Variants in UBE3C observed in about 807,000 individuals in gnomAD.
UBE3C encodes the protein ubiquitin protein ligase E3C.
UBE3C carries 42 observed loss-of-function variants against 129.4 expected under a neutral mutation model. The observed-to-expected ratio is 0.32, with a 90% CI of 0.25 to 0.42. The LOEUF is 0.42. UBE3C is among the 10% of genes least tolerant of loss of function. UBE3C has a pLI of 1.00. For synonymous variants in UBE3C, 510 were observed against 492.4 expected (o/e 1.04, Z -0.47); for missense variants, 1,049 against 1,319.1 (o/e 0.80, Z 3.17).
intron 18 of UBE3C, among the ~76,000 whole-genome samples, chr7:157,244,493 T>C (rs1796425968): frequency 1.3e-5 from 2 of 152,218 alleles, no homozygotes; most frequent in Non-Finnish European, 2.9e-5. Flanking sequence ...AGGATGGCTT[T>C]AAAGCAAGAC....
chr7:157,203,822 A>G (rs1809355968), intron 11 of UBE3C, among the ~76,000 whole-genome samples: 1 of 152,196 alleles, frequency 6.6e-6, no homozygotes, highest in Non-Finnish European at 1.5e-5. Flanking sequence ...TTGAGGTACA[A>G]TGGGGCTTTG....
chr7:157,251,420 A>G (rs1264549752), intron 19 of UBE3C, among the ~76,000 whole-genome samples: 2 of 152,222 alleles, frequency 1.3e-5, no homozygotes, highest in Non-Finnish European at 2.9e-5. Flanking sequence ...GGACCCACAA[A>G]TAATCATCTG....
chr7:157,218,671 C>T (rs150285052), intron 14 of UBE3C, among the ~76,000 whole-genome samples: 1 of 152,272 alleles, frequency 6.6e-6, no homozygotes, highest in East Asian at 1.9e-4. Flanking sequence ...GCAAAAGAAG[C>T]AGTCCTGGCA....
intron 2 of UBE3C, among the ~76,000 whole-genome samples, chr7:157,165,348 T>G (rs1455856126): frequency 6.6e-6 from 1 of 152,060 alleles, no homozygotes; most frequent in Non-Finnish European, 1.5e-5. Flanking sequence ...AGTTTGGATA[T>G]TTTCACCTGA....
chr7:157,238,764 A>G (rs777823319), intron 18 of UBE3C, among the ~76,000 whole-genome samples: 1 of 152,108 alleles, frequency 6.6e-6, no homozygotes, highest in South Asian at 2.1e-4. Context: ...AAGAGAAGAG[A>G]TGAAGAACTG....
intron 4 of UBE3C, among the ~76,000 whole-genome samples, chr7:157,172,399 G>A (rs1342955695): frequency 2.0e-5 from 3 of 152,130 alleles, no homozygotes; most frequent in African/African-American, 7.2e-5. Context: ...CAAATTGCAT[G>A]AAAGGGGAGT....
chr7:157,260,421 G>A (rs952046104), intron 22 of UBE3C, among the ~76,000 whole-genome samples: 2 of 152,182 alleles, frequency 1.3e-5, no homozygotes, highest in Non-Finnish European at 2.9e-5. Flanking sequence ...AGAGTTTGAA[G>A]CATGACCCAT....
chr7:157,240,990 G>T (rs996268342), intron 18 of UBE3C, among the ~76,000 whole-genome samples: 2 of 152,202 alleles, frequency 1.3e-5, no homozygotes, highest in African/African-American at 4.8e-5. Context: ...CCCGGGAGAG[G>T]TAATGGATGC....
intron 1 of UBE3C, among the ~76,000 whole-genome samples, chr7:157,149,330 A>G (rs1057012228): frequency 6.6e-6 from 1 of 152,186 alleles, no homozygotes; most frequent in African/African-American, 2.4e-5. Context: ...TGCTGGGATT[A>G]CAGGCGTGAG....
rs1023338704 is a variant in UBE3C, at chr7:157,139,259, G to A, written c.-14G>A. 5 of 1,558,124 alleles carry A rather than the reference G, an allele frequency of 3.2e-6. No individual in the cohort carries two copies. The highest frequency in any genetic ancestry group is 1.8e-5 in the Admixed American group (1 of 55,492). On this transcript the variant is annotated 5_prime_UTR_variant, in exon 1 of 23. Transcript: ENST00000348165. ...CCGCGGCGGCGCTGCCCGCACATGG[G>A]CTAGGCTGCCAGGATGTTCAGCTTC...
chr7:157,180,673 A>AT (rs760503473), intron 6 of UBE3C, among the ~76,000 whole-genome samples: 1 of 152,232 alleles, frequency 6.6e-6, no homozygotes, highest in East Asian at 1.9e-4. Context: ...AGAATATATG[A>AT]TTTGGATCAT....
chr7:157,142,839 T>C (rs558070313), intron 1 of UBE3C, among the ~76,000 whole-genome samples: 1 of 150,468 alleles, frequency 6.6e-6, no homozygotes, highest in East Asian at 1.9e-4. Flanking sequence ...CCCCTAACTC[T>C]AAAATAAAAG....
At chr7:157,215,415 TTG>T (rs1795528289) in intron 13 of UBE3C, among the ~76,000 whole-genome samples, 1 of 150,764 alleles carries the variant, frequency 6.6e-6, no homozygotes, top group Non-Finnish European at 1.5e-5. Flanking sequence ...CAACAATTGA[TTG>T]TGTGATCTTT....
chr7:157,151,764 A>T (rs1807762439), intron 1 of UBE3C, among the ~76,000 whole-genome samples: 1 of 152,198 alleles, frequency 6.6e-6, no homozygotes. Context: ...AATTGGACCA[A>T]GAGGAGTCAA....
intron 19 of UBE3C, among the ~76,000 whole-genome samples, chr7:157,253,692 C>G (rs1261919453): frequency 6.6e-6 from 1 of 152,102 alleles, no homozygotes; most frequent in Non-Finnish European, 1.5e-5. Context: ...GACATTGCTG[C>G]ACAATTCCCT....
At chr7:157,204,599 C>T (rs1340972632) in intron 11 of UBE3C, among the ~76,000 whole-genome samples, 2 of 152,102 alleles carry the variant, frequency 1.3e-5, no homozygotes, top group Non-Finnish European at 2.9e-5. Context: ...AATTTTGACA[C>T]ATCAGACATT....
intron 10 of UBE3C, chr7:157,197,537 A>G: frequency 5.2e-6 from 5 of 957,790 alleles, no homozygotes; most frequent in East Asian, 2.6e-5. Context: ...TGCTGGAGGT[A>G]TTGTCCTTAT....
intron 11 of UBE3C, among the ~76,000 whole-genome samples, chr7:157,204,818 T>C (rs539817214): frequency 1.3e-5 from 2 of 152,328 alleles, no homozygotes; most frequent in South Asian, 4.1e-4. Context: ...GGCTGTTTGA[T>C]AAATAATCTC....
intron 10 of UBE3C, chr7:157,197,847 A>T (rs1020227352): frequency 3.1e-6 from 5 of 1,610,564 alleles, no homozygotes. Context: ...TGAATCATCA[A>T]TAAGAACAAC....
Sources: gnomAD v4.1 joint callset for allele counts (sites outside exome capture counted in the v4.1 genomes callset) on GRCh38, gnomAD v4.1.1 for gene constraint, MANE v1.5 for transcripts, NCBI Gene and HGNC (gene_info 2026-07-23, HGNC 2026-07-21) for gene names.